AXIN1: variants seen among roughly 807,000 people sequenced by gnomAD.
The protein encoded by AXIN1 is axin-1.
AXIN1 carries 30 observed loss-of-function variants against 76.4 expected under a neutral mutation model. The observed-to-expected ratio is 0.39, with a 90% CI of 0.29 to 0.53. The LOEUF is 0.53. AXIN1 is among the 20% of genes least tolerant of loss of function. The probability of loss-of-function intolerance (pLI) is 0.66; values close to 1 mark genes in which losing one functional copy is unlikely to be tolerated. For synonymous variants in AXIN1, 545 were observed against 501.4 expected, an observed-to-expected ratio of 1.09 and a Z score of -1.16; for missense variants, 1,140 against 1,198.8, an observed-to-expected ratio of 0.95 and a Z score of 0.72.
chr16:299,357 T>C (rs983919987), intron 5 of AXIN1, among the ~76,000 whole-genome samples: 31 of 152,248 alleles, frequency 2.0e-4, no homozygotes, highest in Admixed American at 2.0e-3. Flanking sequence ...TATCTATGTA[T>C]GTATTTATTT....
chr16:289,064 C>T (rs920401058), intron 10 of AXIN1, among the ~76,000 whole-genome samples: 14 of 151,176 alleles, frequency 9.3e-5, no homozygotes, highest in Admixed American at 4.6e-4. Flanking sequence ...GCTGAAATGG[C>T]CGGAAGCCCT....
intron 8 of AXIN1, chr16:292,169 G>C (rs559472353): frequency 1.3e-5 from 2 of 152,440 alleles, no homozygotes; most frequent in Non-Finnish European, 2.9e-5. Context: ...CCAGGGCCTC[G>C]GACCTGCTGC....
intron 2 of AXIN1, among the ~76,000 whole-genome samples, chr16:330,840 C>G (rs2053677690): frequency 6.6e-6 from 1 of 152,236 alleles, no homozygotes; most frequent in Non-Finnish European, 1.5e-5. Context: ...CAGCCAATGA[C>G]CTTTCACAAG....
At chr16:347,405 G>A (rs530072572) in intron 1 of AXIN1, among the ~76,000 whole-genome samples, 42 of 152,182 alleles carry the variant, frequency 2.8e-4, no homozygotes, top group Non-Finnish European at 4.7e-4. Context: ...CTGGCAGCTT[G>A]AGCACCTCCC....
intron 2 of AXIN1, among the ~76,000 whole-genome samples, chr16:315,549 C>G (rs989975652): frequency 6.6e-6 from 1 of 152,088 alleles, no homozygotes; most frequent in African/African-American, 2.4e-5. Context: ...TCAGACAGGC[C>G]GGGTGCGGTG....
chr16:288,773 G>C (rs1256417991), intron 10 of AXIN1, among the ~76,000 whole-genome samples: 1 of 152,270 alleles, frequency 6.6e-6, no homozygotes, highest in Non-Finnish European at 1.5e-5. Context: ...GCAGGGCTGA[G>C]TGGCCCAGGG....
At chr16:307,260 TAA>T (rs1169623534) in intron 4 of AXIN1, among the ~76,000 whole-genome samples, 5 of 152,086 alleles carry the variant, frequency 3.3e-5, no homozygotes, top group Admixed American at 2.6e-4. Flanking sequence ...GCGAGCTCCA[TAA>T]AAAGACTCCA....
intron 1 of AXIN1, among the ~76,000 whole-genome samples, chr16:350,589 A>T (rs1424471608): frequency 6.6e-6 from 1 of 152,130 alleles, no homozygotes; most frequent in Non-Finnish European, 1.5e-5. Context: ...GGAGGAGGCA[A>T]GTAACACAAC....
chr16:294,755 C>CAAA lies in AXIN1; in HGVS notation c.1956-1040_1956-1038dup, dbSNP rs1015576394. ...GAGCCACAGGAGCGAAACCCCATCT[C>CAAA]AAAAAAAAAAAAAAAAAAAAAAAAA... On this transcript the variant is annotated intron_variant, in intron 7 of 10. Transcript: ENST00000262320. 7.3e-3 allele frequency among the ~76,000 whole-genome samples: 180 copies of CAAA among 24,624 alleles called. 8 individuals carry two copies. Among genetic ancestry groups the CAAA allele is most frequent in the African/African-American group, 0.018 (105 of 5,834 alleles). 16.2% of individuals were successfully genotyped at this position (24,624 alleles called of 152,430 possible).
intron 2 of AXIN1, among the ~76,000 whole-genome samples, chr16:323,167 C>T (rs754795984): frequency 1.7e-4 from 26 of 152,078 alleles, no homozygotes; most frequent in Non-Finnish European, 2.6e-4. Flanking sequence ...AGGCCGGGCG[C>T]GGTGGCTCAT....
chr16:308,156 C>T (rs1396866442), intron 4 of AXIN1, among the ~76,000 whole-genome samples: 5 of 152,230 alleles, frequency 3.3e-5, no homozygotes, highest in South Asian at 2.1e-4. Flanking sequence ...CTGTGCCTGC[C>T]GCCTCTGTTG....
rs564482217 is a variant in AXIN1, at chr16:332,540, C to A, written c.878+13608G>T. On this transcript the variant is annotated intron_variant, in intron 2 of 10. Coordinates refer to ENST00000262320, the MANE Select transcript of AXIN1 (RefSeq NM_003502.4). ...GCAGTGAGCTGAGACCGTGCCACTG[C>A]ACTCCAGGCTGGGCGAAAGAGCGAG... Among the ~76,000 whole-genome samples, 9 of 148,612 alleles carry A rather than the reference C, an allele frequency of 6.1e-5. No homozygotes were observed. The East Asian group carries it at 1.6e-3, about 26-fold the overall frequency.
intron 2 of AXIN1, among the ~76,000 whole-genome samples, chr16:343,868 T>C (rs2053978492): frequency 6.6e-6 from 1 of 151,070 alleles, no homozygotes; most frequent in Admixed American, 6.6e-5. Context: ...TAGCCAGGCA[T>C]GGTAGCACAC....
chr16:352,485 G>T lies in AXIN1; in HGVS notation c.-198C>A. The T allele has an allele frequency of 1.1e-6, 1 of 929,930 alleles. No homozygotes were observed. Among genetic ancestry groups the T allele is most frequent in the Non-Finnish European group, 1.3e-6 (1 of 782,418 alleles). The allele number at this position is 929,930 out of a possible 1,614,324, so 57.6% of individuals were successfully genotyped here. On this transcript the variant is annotated 5_prime_UTR_variant, in exon 1 of 11. Transcript: ENST00000262320. ...GGACCCGGCGGGGGCGCGGCCCGGG[G>T]CGGCCCCCATCTCGGCGGCTGCGGC...
intron 2 of AXIN1, 40 bp downstream of exon 2, chr16:346,108 G>C (rs2054027739): frequency 2.5e-6 from 4 of 1,595,786 alleles, no homozygotes; most frequent in Non-Finnish European, 3.4e-6. Context: ...CCAGCTCTCG[G>C]AGGTGAGTAC....
chr16:319,346 G>C (rs2053386184), intron 2 of AXIN1, among the ~76,000 whole-genome samples: 1 of 152,156 alleles, frequency 6.6e-6, no homozygotes, highest in Non-Finnish European at 1.5e-5. Context: ...ATGTCGTGGA[G>C]AGGAGGCATG....
Position 314,579 on chromosome 16 carries a change from C to A in AXIN1, c.983G>T (p.Ser328Ile), listed in dbSNP as rs2053257776. 6.2e-7 allele frequency: 1 copy of A among 1,613,852 alleles called. No individual in the cohort carries two copies. The highest frequency in any genetic ancestry group is 8.5e-7 in the Non-Finnish European group (1 of 1,179,954). Residue 328 changes from serine to isoleucine, a missense_variant, in exon 3 of 11, where the codon AGC becomes ATC. Physicochemically the swap from Ser to Ile is moderately radical, Grantham distance 142. Transcript: ENST00000262320. ...ANDSEQQSLS[S>I]DADTLSLTDS... is the part of the protein sequence containing the mutation. ...CGTGAGGGACAGGGTGTCTGCATCG[C>A]TGGACAGGCTCTGCTGCTCGCTGTC...
chr16:292,165 C>A, intron 8 of AXIN1: 1 of 152,652 alleles, frequency 6.6e-6, no homozygotes, highest in Non-Finnish European at 1.5e-5. Context: ...ACGCCCAGGG[C>A]CTCGGACCTG....
intron 2 of AXIN1, among the ~76,000 whole-genome samples, chr16:340,790 G>A (rs575345746): frequency 1.3e-5 from 2 of 152,310 alleles, no homozygotes; most frequent in East Asian, 3.9e-4. Context: ...ACAGAAAAGG[G>A]CCAGGAATGG....
Sources: gnomAD v4.1 joint callset for allele counts (sites outside exome capture counted in the v4.1 genomes callset) on GRCh38, gnomAD v4.1.1 for gene constraint, MANE v1.5 for transcripts, NCBI Gene and HGNC (gene_info 2026-07-23, HGNC 2026-07-21) for gene names.